PALS2: variants seen among roughly 807,000 people sequenced by gnomAD.
The protein encoded by PALS2 is protein PALS2.
Under a neutral mutation model 61.6 loss-of-function variants are expected in PALS2, and 27 were observed. That is an observed-to-expected ratio of 0.44 (90% CI 0.32 to 0.60). The LOEUF (loss-of-function observed/expected upper bound fraction) is 0.60, where lower values mean the gene tolerates loss of function less well. Among genes scored for constraint, PALS2 ranks in the 20% least tolerant of loss-of-function variants. The pLI, the probability that PALS2 is intolerant of heterozygous loss-of-function variation, is 0.05. For missense variants in PALS2, 554 were observed against 639.4 expected, an observed-to-expected ratio of 0.87 and a Z score of 1.44; for synonymous variants, 236 against 218.6, an observed-to-expected ratio of 1.08 and a Z score of -0.70.
intron 1 of PALS2, among the ~76,000 whole-genome samples, chr7:24,598,826 G>C (rs1783613730): frequency 6.6e-6 from 1 of 152,166 alleles, no homozygotes; most frequent in Non-Finnish European, 1.5e-5. Flanking sequence ...GAGCATTCAT[G>C]CCCAGAAGGG....
At chr7:24,616,220 T>G (rs1335719910) in intron 1 of PALS2, among the ~76,000 whole-genome samples, 3 of 151,980 alleles carry the variant, frequency 2.0e-5, no homozygotes, top group Non-Finnish European at 4.4e-5. Context: ...GAGAAAGAAA[T>G]AAAAGCCATC....
intron 9 of PALS2, among the ~76,000 whole-genome samples, chr7:24,671,317 A>G (rs576706520): frequency 2.6e-5 from 4 of 152,110 alleles, no homozygotes; most frequent in Non-Finnish European, 5.9e-5. Flanking sequence ...TGCCATTTAT[A>G]TATTTTCTTT....
intron 11 of PALS2, among the ~76,000 whole-genome samples, chr7:24,682,470 C>T (rs999561542): frequency 1.3e-5 from 2 of 152,196 alleles, no homozygotes; most frequent in Non-Finnish European, 2.9e-5. Context: ...GTCCTCAACT[C>T]AAGAGTCCTG....
At chr7:24,679,934 T>C (rs1039368145) in intron 10 of PALS2, among the ~76,000 whole-genome samples, 1 of 152,212 alleles carries the variant, frequency 6.6e-6, no homozygotes, top group Non-Finnish European at 1.5e-5. Context: ...AAAAATTCTA[T>C]ATAGATTCTT....
At chr7:24,636,467 A>G (rs1424768369) in intron 2 of PALS2, among the ~76,000 whole-genome samples, 2 of 152,186 alleles carry the variant, frequency 1.3e-5, no homozygotes, top group Non-Finnish European at 2.9e-5. Context: ...TTTGATACAC[A>G]GTAGGTGACT....
intron 1 of PALS2, among the ~76,000 whole-genome samples, chr7:24,577,188 A>G (rs941336040): frequency 6.6e-6 from 1 of 151,280 alleles, no homozygotes; most frequent in East Asian, 1.9e-4. Context: ...ATTAGTTTCT[A>G]TTTTTCCTTC....
intron 11 of PALS2, among the ~76,000 whole-genome samples, chr7:24,685,567 C>G (rs1003076823): frequency 6.6e-6 from 1 of 151,864 alleles, no homozygotes; most frequent in Non-Finnish European, 1.5e-5. Flanking sequence ...ACCAGTATAT[C>G]CTAGAGACCA....
intron 5 of PALS2, 63 bp from the exon 6 acceptor site, chr7:24,663,527 A>G: frequency 2.8e-6 from 4 of 1,440,644 alleles, no homozygotes; most frequent in Non-Finnish European, 3.7e-6. Context: ...TTTGACAAGG[A>G]TTTTTTAAAT....
chr7:24,692,377 TTAAG>T lies in PALS2; in HGVS notation c.*4768_*4771del, dbSNP rs1323407550. 6.6e-6 allele frequency: 1 copy of T among 152,234 alleles called. No homozygotes were observed. The highest frequency in any genetic ancestry group is 6.5e-5 in the Admixed American group (1 of 15,280). The allele number at this position is 152,234 out of a possible 1,614,324, so 9.4% of individuals were successfully genotyped here. ...CCCTTTATCATTACTATTCTACTTG[TTAAG>T]TAAGGCTAAGTTAATATTTGTCTTC... is the stretch of plus-strand genomic sequence containing the variant. On this transcript the variant is annotated 3_prime_UTR_variant, in exon 12 of 12. Coordinates refer to ENST00000222644, the MANE Select transcript of PALS2 (RefSeq NM_001303037.2).
chr7:24,639,581 T>G (rs1785411829), intron 2 of PALS2, among the ~76,000 whole-genome samples: 1 of 152,078 alleles, frequency 6.6e-6, no homozygotes, highest in African/African-American at 2.4e-5. Context: ...CTAAATCAGG[T>G]AGTGGCTTTT....
intron 1 of PALS2, among the ~76,000 whole-genome samples, chr7:24,591,951 A>G (rs1783303897): frequency 6.6e-6 from 1 of 152,090 alleles, no homozygotes; most frequent in African/African-American, 2.4e-5. Context: ...ATTGGGGACC[A>G]TTTTGTGAAA....
intron 1 of PALS2, among the ~76,000 whole-genome samples, chr7:24,602,448 A>G (rs1049715016): frequency 2.0e-5 from 3 of 152,102 alleles, no homozygotes; most frequent in African/African-American, 4.8e-5. Context: ...GCTAGTTTGT[A>G]GCTGGGTTAT....
chr7:24,674,985 C>T (rs992829390), intron 9 of PALS2, among the ~76,000 whole-genome samples: 6 of 152,064 alleles, frequency 3.9e-5, no homozygotes, highest in African/African-American at 9.7e-5. Flanking sequence ...TATGTAGTTG[C>T]GCAGTATAGA....
At chr7:24,663,010 T>G (rs1031271948) in intron 5 of PALS2, among the ~76,000 whole-genome samples, 1 of 152,222 alleles carries the variant, frequency 6.6e-6, no homozygotes, top group Non-Finnish European at 1.5e-5. Context: ...GTTTCGAGAC[T>G]TCTTCAGTAT....
At chr7:24,638,250 T>A (rs988371400) in intron 2 of PALS2, among the ~76,000 whole-genome samples, 1 of 151,488 alleles carries the variant, frequency 6.6e-6, no homozygotes, top group Non-Finnish European at 1.5e-5. Context: ...GTATGTTGGT[T>A]TTCCATGTTA....
In PALS2 at chr7:24,638,621, G is replaced by A. The variant is rs1479176538; in HGVS notation, c.118-3095G>A. The stretch of plus-strand genomic sequence containing the variant: ...GCTGGGATTACAGGCGTGAGCCACC[G>A]CGCCCGGCCAATTTCTGTATTTTCT... On this transcript the variant is annotated intron_variant, in intron 2 of 11. Coordinates refer to ENST00000222644, the MANE Select transcript of PALS2 (RefSeq NM_001303037.2). 1.3e-4 allele frequency among the ~76,000 whole-genome samples: 6 copies of A among 44,770 alleles called. 2 individuals are homozygous for A. The highest frequency in any genetic ancestry group is 8.6e-3 in the Middle Eastern group (1 of 116). The allele number at this position is 44,770 out of a possible 152,430, so 29.4% of individuals were successfully genotyped here. A position where few individuals can be genotyped will look rare whatever the true frequency, so the allele number is the denominator to read the frequency against.
chr7:24,640,577 T>A (rs1785479573), intron 2 of PALS2, among the ~76,000 whole-genome samples: 1 of 152,228 alleles, frequency 6.6e-6, no homozygotes, highest in African/African-American at 2.4e-5. Context: ...TTTTGATAAT[T>A]ACGCTTTTCC....
At chr7:24,641,033 A>G (rs1562634381) in intron 2 of PALS2, among the ~76,000 whole-genome samples, 1 of 148,442 alleles carries the variant, frequency 6.7e-6, no homozygotes, top group Non-Finnish European at 1.5e-5. Flanking sequence ...AAAAAAAAGA[A>G]TTACTTACTT....
chr7:24,610,417 T>C (rs1176693925), intron 1 of PALS2, among the ~76,000 whole-genome samples: 4 of 152,188 alleles, frequency 2.6e-5, no homozygotes, highest in African/African-American at 9.6e-5. Flanking sequence ...ACAGATGGTT[T>C]GTCCATATAT....
Sources: gnomAD v4.1 joint callset for allele counts (sites outside exome capture counted in the v4.1 genomes callset) on GRCh38, gnomAD v4.1.1 for gene constraint, MANE v1.5 for transcripts, NCBI Gene and HGNC (gene_info 2026-07-23, HGNC 2026-07-21) for gene names.